Variants in ZC2HC1A observed in about 807,000 individuals in gnomAD.
ZC2HC1A encodes the protein zinc finger C2HC domain-containing protein 1A.
ZC2HC1A carries 28 observed loss-of-function variants against 40.7 expected under a neutral mutation model. The ratio of observed to expected loss-of-function variants is 0.69; its 90% confidence interval spans 0.51 to 0.94. The LOEUF (loss-of-function observed/expected upper bound fraction) is 0.94. ZC2HC1A is among the 40% of genes least tolerant of loss of function. The probability of loss-of-function intolerance (pLI) is 0.00; values close to 1 mark genes in which losing one functional copy is unlikely to be tolerated. For synonymous variants in ZC2HC1A, 129 were observed against 129.2 expected (o/e 1.00, Z 0.01); for missense variants, 389 against 386.3 (o/e 1.01, Z -0.06).
At chr8:78,712,811 T>C (rs1810990978) in intron 7 of ZC2HC1A, among the ~76,000 whole-genome samples, 2 of 152,312 alleles carry the variant, frequency 1.3e-5, no homozygotes, top group African/African-American at 4.8e-5. Context: ...AAAATTAATA[T>C]ACCTATTAAT....
chr8:78,695,834 C>T (rs567872446), intron 5 of ZC2HC1A, among the ~76,000 whole-genome samples: 21 of 152,200 alleles, frequency 1.4e-4, no homozygotes, highest in African/African-American at 5.1e-4. Context: ...TACTGCAAAA[C>T]GTGAATGCTA....
chr8:78,685,818 T>G (rs1809950227), intron 3 of ZC2HC1A: 6 of 152,236 alleles, frequency 3.9e-5, no homozygotes, highest in Admixed American at 3.9e-4. Context: ...ACTGTGTTAG[T>G]CTCTTTTCTG....
chr8:78,682,736 C>T (rs1809829943), intron 3 of ZC2HC1A, among the ~76,000 whole-genome samples: 3 of 152,186 alleles, frequency 2.0e-5, no homozygotes, highest in Admixed American at 1.3e-4. Context: ...CCCCCAAAGT[C>T]TTAACTCATT....
intron 8 of ZC2HC1A, among the ~76,000 whole-genome samples, chr8:78,715,762 A>T (rs1811081868): frequency 6.6e-6 from 1 of 152,050 alleles, no homozygotes; most frequent in Admixed American, 6.6e-5. Flanking sequence ...ATGGATGAGG[A>T]GTTGTGGTGG....
intron 4 of ZC2HC1A, among the ~76,000 whole-genome samples, chr8:78,687,462 TTA>T (rs915792673): frequency 8.9e-5 from 13 of 145,688 alleles, no homozygotes; most frequent in South Asian, 2.1e-4. Context: ...ATATACATAA[TTA>T]TATATATATT....
chr8:78,707,478 C>T (rs1810809738), intron 7 of ZC2HC1A, among the ~76,000 whole-genome samples: 1 of 152,174 alleles, frequency 6.6e-6, no homozygotes, highest in Non-Finnish European at 1.5e-5. Flanking sequence ...TCTGGTTAGA[C>T]CTTGACAACT....
chr8:78,687,603 C>CGT (rs1563626666), intron 4 of ZC2HC1A, among the ~76,000 whole-genome samples: 3 of 131,606 alleles, frequency 2.3e-5, no homozygotes, highest in African/African-American at 8.5e-5. Flanking sequence ...TATATATTTA[C>CGT]ATAATACATT....
At chr8:78,683,111 G>A (rs890920161) in intron 3 of ZC2HC1A, among the ~76,000 whole-genome samples, 13 of 152,182 alleles carry the variant, frequency 8.5e-5, no homozygotes, top group African/African-American at 2.9e-4. Flanking sequence ...TTCTTGGGCT[G>A]GCATTGAGTG....
At chr8:78,676,989 A>G (rs542925041) in intron 2 of ZC2HC1A, among the ~76,000 whole-genome samples, 1 of 152,132 alleles carries the variant, frequency 6.6e-6, no homozygotes, top group South Asian at 2.1e-4. Context: ...TGCTATCCTC[A>G]TTTTTTAAAA....
At chr8:78,677,991 C>G (rs1387494658) in intron 2 of ZC2HC1A, among the ~76,000 whole-genome samples, 1 of 152,104 alleles carries the variant, frequency 6.6e-6, no homozygotes, top group Non-Finnish European at 1.5e-5. Flanking sequence ...CCTGATGTTG[C>G]CATGGCATTT....
At chr8:78,696,201 A>G (rs1299231674) in intron 5 of ZC2HC1A, among the ~76,000 whole-genome samples, 1 of 151,926 alleles carries the variant, frequency 6.6e-6, no homozygotes, top group Middle Eastern at 3.4e-3. Context: ...CGCCCGGCTA[A>G]TTTTTTGTAT....
chr8:78,672,061 A>G (rs766871262), intron 1 of ZC2HC1A, among the ~76,000 whole-genome samples: 2 of 152,152 alleles, frequency 1.3e-5, no homozygotes, highest in African/African-American at 2.4e-5. Context: ...TCTCAGTGAC[A>G]GAGCTGGGGA....
At chr8:78,689,667 C>T (rs1810145917) in intron 5 of ZC2HC1A, among the ~76,000 whole-genome samples, 1 of 151,678 alleles carries the variant, frequency 6.6e-6, no homozygotes, top group Non-Finnish European at 1.5e-5. Flanking sequence ...TATATGTATA[C>T]ATGTTTTTAG....
chr8:78,702,699 C>A (rs988649151), intron 7 of ZC2HC1A, among the ~76,000 whole-genome samples: 1 of 152,016 alleles, frequency 6.6e-6, no homozygotes, highest in East Asian at 1.9e-4. Flanking sequence ...CCGATTTCTG[C>A]GTTAATTTCA....
chr8:78,687,905 T>G (rs1407508974), intron 4 of ZC2HC1A, among the ~76,000 whole-genome samples: 1 of 56,404 alleles, frequency 1.8e-5, no homozygotes, highest in Non-Finnish European at 4.6e-5. Flanking sequence ...TTATATATAT[T>G]TATATAAATA....
intron 2 of ZC2HC1A, among the ~76,000 whole-genome samples, chr8:78,677,592 A>G (rs1254089203): frequency 6.6e-6 from 1 of 152,096 alleles, no homozygotes; most frequent in Non-Finnish European, 1.5e-5. Context: ...TCCTAAAACT[A>G]ATGTATTCTT....
chr8:78,682,576 G>A (rs771807280), intron 3 of ZC2HC1A, among the ~76,000 whole-genome samples: 1 of 152,072 alleles, frequency 6.6e-6, no homozygotes, highest in Non-Finnish European at 1.5e-5. Flanking sequence ...ACCTCCCAAT[G>A]GGTTCCTCCC....
intron 8 of ZC2HC1A, among the ~76,000 whole-genome samples, chr8:78,716,046 A>T (rs1209355142): frequency 6.6e-6 from 1 of 150,720 alleles, no homozygotes. Context: ...TCTCAAAAAA[A>T]AAAAAAAAAG....
intron 2 of ZC2HC1A, chr8:78,676,083 G>T (rs1386521115): frequency 8.6e-6 from 3 of 348,238 alleles, no homozygotes; most frequent in Non-Finnish European, 1.5e-5. Context: ...AAGTTTAAAG[G>T]TATTCCTCAT....
Sources: gnomAD v4.1 joint callset for allele counts (sites outside exome capture counted in the v4.1 genomes callset) on GRCh38, gnomAD v4.1.1 for gene constraint, MANE v1.5 for transcripts, NCBI Gene and HGNC (gene_info 2026-07-23, HGNC 2026-07-21) for gene names.